Variants in TGM1 observed in about 807,000 individuals in gnomAD.
The protein encoded by TGM1 is protein-glutamine gamma-glutamyltransferase K.
TGM1 carries 63 observed loss-of-function variants against 88.7 expected under a neutral mutation model. The ratio of observed to expected loss-of-function variants is 0.71; its 90% CI spans 0.58 to 0.88. TGM1 has a LOEUF of 0.88. TGM1 is among the 40% of genes least tolerant of loss of function. The pLI is 0.00. For synonymous variants in TGM1, 415 were observed against 431.1 expected (o/e 0.96, Z 0.46); for missense variants, 996 against 1,118.0 (o/e 0.89, Z 1.56).
Position 24,260,604 on chromosome 14 carries a change from A to G in TGM1, c.603T>C (p.Ser201=). Residue 201 remains serine, a synonymous_variant, in exon 4 of 15, where the codon AGT becomes AGC. Coordinates refer to ENST00000206765, the MANE Select transcript of TGM1 (RefSeq NM_000359.3). ...GGACCCGCAGGTTCAGATTCTGCCCACTGGCCTTGACCACCTGGGCTTTCC... is the reference window on the plus strand; with the variant it reads ...GGACCCGCAGGTTCAGATTCTGCCCGCTGGCCTTGACCACCTGGGCTTTCC... ...GGWKAQVVKA[S]GQNLNLRVHT... is the part of the protein sequence containing the mutation. 2 of 1,614,174 alleles carry G rather than the reference A, an allele frequency of 1.2e-6. No individual in the cohort carries two copies. Among genetic ancestry groups the G allele is most frequent in the Non-Finnish European group, 1.7e-6 (2 of 1,180,010 alleles).
intron 14 of TGM1, among the ~76,000 whole-genome samples, chr14:24,251,589 T>G (rs2040701167): frequency 1.3e-5 from 2 of 152,274 alleles, no homozygotes; most frequent in South Asian, 4.1e-4. Flanking sequence ...TGAAACCAAC[T>G]CCCCAACAAG....
At position 24,259,319 on chromosome 14, in the gene TGM1, G is replaced by T; in HGVS notation, c.985-70C>A. On this transcript the variant is annotated intron_variant, in intron 6 of 14. Coordinates refer to ENST00000206765, the MANE Select transcript of TGM1 (RefSeq NM_000359.3). This position sits in a 1 kb window ranked among gnomAD's most constrained non-coding sequence, Gnocchi z 5.7. Reference sequence around the variant, plus strand: ...CAGGACCTGCCATGTGGTCCATGGGGACCAGCCGGGCCCCGATCCTGCAAC... The same window carrying T: ...CAGGACCTGCCATGTGGTCCATGGGTACCAGCCGGGCCCCGATCCTGCAAC... The T allele has an allele frequency of 6.7e-7, 1 of 1,483,164 alleles. No homozygotes were observed. Among genetic ancestry groups the T allele is most frequent in the Non-Finnish European group, 9.2e-7 (1 of 1,083,436 alleles). The allele number at this position is 1,483,164 out of a possible 1,614,324, so 91.9% of individuals were successfully genotyped here. A position where few individuals can be genotyped will look rare whatever the true frequency, so the allele number is the denominator to read the frequency against.
At position 24,259,291 on chromosome 14, in the gene TGM1, G is replaced by C; in HGVS notation, c.985-42C>G. 6.4e-7 allele frequency: 1 copy of C among 1,573,108 alleles called. No individual in the cohort carries two copies. Among genetic ancestry groups the C allele is most frequent in the Non-Finnish European group, 8.7e-7 (1 of 1,155,914 alleles). ...GAGATAGGGCGGAGGTGGAGGAGGG[G>C]CTCAGGACCTGCCATGTGGTCCATG... On this transcript the variant is annotated intron_variant, in intron 6 of 14. Coordinates refer to ENST00000206765, the MANE Select transcript of TGM1 (RefSeq NM_000359.3). This position sits in a 1 kb window ranked among gnomAD's most constrained non-coding sequence, Gnocchi z 5.7.
chr14:24,258,049 A>G (rs2040770495), intron 9 of TGM1, among the ~76,000 whole-genome samples: 1 of 152,268 alleles, frequency 6.6e-6, no homozygotes, highest in African/African-American at 2.4e-5. Flanking sequence ...TATATTAACC[A>G]TTATAAATAA....
At position 24,258,673 on chromosome 14, in the gene TGM1, ACT is replaced by A. The variant is rs1555306117; in HGVS notation, c.1160-2_1160-1del. On this transcript the variant is annotated splice_acceptor_variant, in intron 7 of 14. Transcript: ENST00000206765. LOFTEE classifies it high-confidence loss of function. ...GGTGGCCAGACCCAGGCAGCGCAGCACTGTGGAGGAGCGAAGGTTGGGGTTCA... is the reference window on the plus strand; with the variant it reads ...GGTGGCCAGACCCAGGCAGCGCAGCAGTGGAGGAGCGAAGGTTGGGGTTCA... The A allele has an allele frequency of 6.2e-7, 1 of 1,614,064 alleles. No individual in the cohort carries two copies. Among genetic ancestry groups the A allele is most frequent in the Non-Finnish European group, 8.5e-7 (1 of 1,179,872 alleles).
intron 13 of TGM1, 132 bp downstream of exon 13, chr14:24,254,532 G>C: frequency 1.4e-6 from 2 of 1,426,380 alleles, no homozygotes. Context: ...AGGCCCCAGA[G>C]CCGGTCCTTG....
At position 24,249,268 on chromosome 14, in the gene TGM1, T is replaced by C; in HGVS notation, c.*45A>G. ...GTAGTGTGCCCCTATCTTGGGGCAA[T>C]GTCCTTGCTCATCTGACTCCAGTCC... On this transcript the variant is annotated 3_prime_UTR_variant, in exon 15 of 15. Transcript: ENST00000206765. 1 of 1,580,584 alleles carries C rather than the reference T, an allele frequency of 6.3e-7. No individual in the cohort carries two copies. The highest frequency in any genetic ancestry group is 8.7e-7 in the Non-Finnish European group (1 of 1,154,792).
At position 24,260,538 on chromosome 14, in the gene TGM1, T is replaced by G. The variant is rs749350038; in HGVS notation, c.669A>C (p.Thr223=). 4 of 1,614,122 alleles carry G rather than the reference T, an allele frequency of 2.5e-6. No individual in the cohort carries two copies. The highest frequency in any genetic ancestry group is 2.5e-6 in the Non-Finnish European group (3 of 1,180,042). ...CCCCAGCGTCTGATTGTGTGCGGAC[T>G]GTGAACTGAAACTTGCCGATGATGG... is the stretch of plus-strand genomic sequence containing the variant. ...PNAIIGKFQF[T]VRTQSDAGEF... The change falls in exon 4 of 15, where the codon ACA becomes ACC. Residue 223 remains threonine (T), a synonymous_variant. Transcript: ENST00000206765.
At position 24,255,611 on chromosome 14, in the gene TGM1, G is replaced by C. The variant is rs2040744505; in HGVS notation, c.1492-94C>G. 4 of 1,553,886 alleles carry C rather than the reference G, an allele frequency of 2.6e-6. No homozygotes were observed. In the African/African-American group the frequency reaches 5.4e-5, roughly 21 times the overall value. ...CCTTCCCCTGATCCCAGGAGCTATG[G>C]GACAGGGCTTGGTCCCAAGGGTGGG... On this transcript the variant is annotated intron_variant, in intron 10 of 14. Transcript: ENST00000206765. This position sits in a 1 kb window ranked among gnomAD's most constrained non-coding sequence, Gnocchi z 4.0.
intron 14 of TGM1, among the ~76,000 whole-genome samples, chr14:24,251,616 C>G (rs746101240): frequency 6.6e-6 from 1 of 152,178 alleles, no homozygotes; most frequent in Non-Finnish European, 1.5e-5. Context: ...AGAACTTAGA[C>G]GTCGAAACGA....
At position 24,262,313 on chromosome 14, in the gene TGM1, C is replaced by A; in HGVS notation, c.40G>T (p.Gly14Cys). 1 of 1,613,680 alleles carries A rather than the reference C, an allele frequency of 6.2e-7. No individual in the cohort carries two copies. The highest frequency in any genetic ancestry group is 8.5e-7 in the Non-Finnish European group (1 of 1,180,022). ...GTGGTAGGGGGCTGCAAGGGGTTGC[C>A]ACCCCAACGGCCCACATCGGAACGT... ...GPRSDVGRWG[G>C]NPLQPPTTPS... The change falls in exon 2 of 15, where the codon GGC becomes TGC. Residue 14 changes from glycine (G) to cysteine (C), a missense_variant. Coordinates refer to ENST00000206765, the MANE Select transcript of TGM1 (RefSeq NM_000359.3).
intron 14 of TGM1, among the ~76,000 whole-genome samples, chr14:24,253,358 TCG>T (rs1321099678): frequency 6.6e-6 from 1 of 152,190 alleles, no homozygotes; most frequent in Non-Finnish European, 1.5e-5. Flanking sequence ...AGGAGAGAAG[TCG>T]CTTGCCCAAG....
In TGM1 at chr14:24,253,446, C is replaced by G. The variant is rs1050634729; in HGVS notation, c.2225+706G>C. Among the ~76,000 whole-genome samples the G allele has an allele frequency of 6.6e-5, 10 of 151,028 alleles. No individual in the cohort carries two copies. The East Asian group carries it at 1.4e-3, about 21-fold the overall frequency. On this transcript the variant is annotated intron_variant, in intron 14 of 14. Transcript: ENST00000206765. The stretch of plus-strand genomic sequence containing the variant: ...AAACTTCGCTTGTGTGTGTGTGTCT[C>G]TGTGTGTGTGTGTGTGTCTGTGTGT...
In TGM1 at chr14:24,255,195, A is replaced by G. The variant is rs772307070; in HGVS notation, c.1704T>C (p.Asn568=). ...CCGCTGAGCCCCGGTTGGCATACACATTGGGTTTGCTGCCGTGGGCTGCTG... is the reference window on the plus strand; with the variant it reads ...CCGCTGAGCCCCGGTTGGCATACACGTTGGGTTTGCTGCCGTGGGCTGCTG... ...ETAAAHGSKP[N]VYANRGSAED... Residue 568 remains asparagine (N), a synonymous_variant, in exon 12 of 15, where the codon AAT becomes AAC. Coordinates refer to ENST00000206765, the MANE Select transcript of TGM1 (RefSeq NM_000359.3). The surrounding 1 kb of genome is among the most constrained non-coding windows in gnomAD (Gnocchi z 4.0). 1 of 1,613,788 alleles carries G rather than the reference A, an allele frequency of 6.2e-7. No individual in the cohort carries two copies. The highest frequency in any genetic ancestry group is 8.5e-7 in the Non-Finnish European group (1 of 1,179,978).
Position 24,255,135 on chromosome 14 carries a change from C to G in TGM1, c.1764G>C (p.Ala588=). Residue 588 remains alanine, a synonymous_variant, in exon 12 of 15, where the codon GCG becomes GCC. Coordinates refer to ENST00000206765, the MANE Select transcript of TGM1 (RefSeq NM_000359.3). The surrounding 1 kb of genome is among the most constrained non-coding windows in gnomAD (Gnocchi z 4.0). ...DVAMQVEAQD[A]VMGQDLMVSV... ...AGACCATCAGATCCTGCCCCATCACCGCGTCCTGTGCCTCCACCTGCATGG... is the reference window on the plus strand; with the variant it reads ...AGACCATCAGATCCTGCCCCATCACGGCGTCCTGTGCCTCCACCTGCATGG... 6.2e-7 allele frequency: 1 copy of G among 1,614,108 alleles called. No individual in the cohort carries two copies. The highest frequency in any genetic ancestry group is 8.5e-7 in the Non-Finnish European group (1 of 1,180,040).
chr14:24,249,298 G>A lies in TGM1; in HGVS notation c.*15C>T, dbSNP rs2040678964. 1 of 1,609,266 alleles carries A rather than the reference G, an allele frequency of 6.2e-7. No homozygotes were observed. Among genetic ancestry groups the A allele is most frequent in the Middle Eastern group, 1.7e-4 (1 of 6,056 alleles). The stretch of plus-strand genomic sequence containing the variant: ...TTGCTCATCTGACTCCAGTCCCATT[G>A]CTCCTGGCACGGGGCTAAGCTCCAC... On this transcript the variant is annotated 3_prime_UTR_variant, in exon 15 of 15. Transcript: ENST00000206765.
In TGM1 at chr14:24,255,978, C is replaced by A; in HGVS notation, c.1491+11G>T. On this transcript the variant is annotated intron_variant, in intron 10 of 14. Coordinates refer to ENST00000206765, the MANE Select transcript of TGM1 (RefSeq NM_000359.3). This position sits in a 1 kb window ranked among gnomAD's most constrained non-coding sequence, Gnocchi z 4.0. ...TGAAGCCCAAGAAGGCACCTGGAGC[C>A]CAGCCCTCACCTCAGCAAAAATGAA... is the stretch of plus-strand genomic sequence containing the variant. 1.9e-6 allele frequency: 3 copies of A among 1,555,356 alleles called. No individual in the cohort carries two copies. The highest frequency in any genetic ancestry group is 2.4e-5 in the South Asian group (2 of 84,322).
chr14:24,254,048 C>T, intron 14 of TGM1, 104 bp downstream of exon 14: 4 of 1,516,200 alleles, frequency 2.6e-6, no homozygotes, highest in East Asian at 2.4e-5. Context: ...TGGGTCCTGA[C>T]AGAACATACT....
rs121918732 is a variant in TGM1, at chr14:24,260,555, C to T, written c.652G>A (p.Gly218Ser). The change falls in exon 4 of 15, where the codon GGC becomes AGC. Residue 218 changes from glycine to serine, a missense_variant. Gly to Ser is a moderately conservative substitution (Grantham distance 56, BLOSUM62 0). Coordinates refer to ENST00000206765, the MANE Select transcript of TGM1 (RefSeq NM_000359.3). ...GTGCGGACTGTGAACTGAAACTTGCCGATGATGGCGTTGGGGGAAGTGTGG... is the reference window on the plus strand; with the variant it reads ...GTGCGGACTGTGAACTGAAACTTGCTGATGATGGCGTTGGGGGAAGTGTGG... ...RVHTSPNAII[G>S]KFQFTVRTQS... The T allele has an allele frequency of 1.4e-5, 22 of 1,614,082 alleles. No homozygotes were observed. Among genetic ancestry groups the T allele is most frequent in the African/African-American group, 2.7e-5 (2 of 74,934 alleles).
Sources: gnomAD v4.1 joint callset for allele counts (sites outside exome capture counted in the v4.1 genomes callset) on GRCh38, gnomAD v4.1.1 for gene constraint, Gnocchi (gnomAD v3.1) non-coding constraint, MANE v1.5 for transcripts, NCBI Gene and HGNC (gene_info 2026-07-23, HGNC 2026-07-21) for gene names.